Variants in MAST4 observed in about 807,000 individuals in gnomAD.
MAST4 encodes microtubule-associated serine/threonine-protein kinase 4.
MAST4 carries 89 observed loss-of-function variants against 162.7 expected under a neutral mutation model. That is an observed-to-expected ratio of 0.55 (90% CI 0.46 to 0.65). MAST4 has a LOEUF of 0.65. Ranked by LOEUF, MAST4 falls within the 30% of genes least tolerant of loss-of-function variation. The pLI, the probability that MAST4 is intolerant of heterozygous loss-of-function variation, is 0.00. For synonymous variants in MAST4, 1,479 were observed against 1,361.1 expected, an observed-to-expected ratio of 1.09 and a Z score of -1.91; for missense variants, 3,153 against 3,374.0, an observed-to-expected ratio of 0.93 and a Z score of 1.62.
At chr5:66,932,786 C>G (rs1055341031) in intron 4 of MAST4, among the ~76,000 whole-genome samples, 7 of 152,074 alleles carry the variant, frequency 4.6e-5, no homozygotes, top group African/African-American at 1.7e-4. Flanking sequence ...TCTGATTTTT[C>G]TATTAGTCTT....
chr5:66,718,068 T>C (rs965423221), intron 1 of MAST4, among the ~76,000 whole-genome samples: 5 of 151,884 alleles, frequency 3.3e-5, no homozygotes, highest in Non-Finnish European at 4.4e-5. Context: ...TTACATCCTG[T>C]GTGCTTTAAA....
At chr5:66,992,207 C>T (rs1318395675) in intron 4 of MAST4, among the ~76,000 whole-genome samples, 1 of 152,086 alleles carries the variant, frequency 6.6e-6, no homozygotes, top group East Asian at 1.9e-4. Context: ...AATGCATTAC[C>T]ATGCTGCTAT....
Position 67,118,662 on chromosome 5 carries a change from T to C in MAST4, c.1592-20T>C, listed in dbSNP as rs1767216452. 1.0e-6 allele frequency: 1 copy of C among 969,908 alleles called. No homozygotes were observed. Among genetic ancestry groups the C allele is most frequent in the Non-Finnish European group, 1.4e-6 (1 of 697,556 alleles). The allele number at this position is 969,908 out of a possible 1,614,324, so 60.1% of individuals were successfully genotyped here. ...TTGCAATATTTTTATTAAGCTTAACTTTTTTTTTTTCCAACTTAGAAATGG... is the reference window on the plus strand; with the variant it reads ...TTGCAATATTTTTATTAAGCTTAACCTTTTTTTTTTCCAACTTAGAAATGG... On this transcript the variant is annotated intron_variant, in intron 12 of 28. Transcript: ENST00000403625.
intron 3 of MAST4, among the ~76,000 whole-genome samples, chr5:66,825,563 G>A (rs933927595): frequency 1.3e-5 from 2 of 152,024 alleles, no homozygotes; most frequent in African/African-American, 4.8e-5. Context: ...TTTGAAATGT[G>A]TTCAACCAAA....
chr5:67,145,005 C>G (rs1163163589), intron 22 of MAST4, 139 bp from the exon 23 acceptor site: 1 of 898,348 alleles, frequency 1.1e-6, no homozygotes, highest in Admixed American at 2.5e-5. Context: ...CTGTGGGTAC[C>G]ACACATTAAG....
At position 67,153,564 on chromosome 5, in the gene MAST4, T is replaced by C. The variant is rs1772106067; in HGVS notation, c.3632T>C (p.Ile1211Thr). ...PVHGLVHTEV[I>T]ELLLKSGNKV... ...CATGGACTTGTCCACACAGAAGTTA[T>C]AGAACTCCTACTGAAGGTATTGTAT... is the stretch of plus-strand genomic sequence containing the variant. Residue 1211 changes from isoleucine (I) to threonine (T), a missense_variant, in exon 26 of 29, where the codon ATA (isoleucine) becomes ACA (threonine). By Grantham distance (89) the Ile-to-Thr change is moderately conservative. Around this residue, in one of 7 missense-constraint regions of MAST4, gnomAD observed 619 missense variants for 744.2 expected, o/e 0.83. Transcript: ENST00000403625. The C allele has an allele frequency of 1.3e-6, 2 of 1,587,518 alleles. No homozygotes were observed. The highest frequency in any genetic ancestry group is 2.3e-5 in the South Asian group (2 of 86,396).
At chr5:66,641,208 G>A (rs573533136) in intron 1 of MAST4, among the ~76,000 whole-genome samples, 10 of 152,116 alleles carry the variant, frequency 6.6e-5, no homozygotes, top group East Asian at 5.8e-4. Flanking sequence ...GCTGAAGTGC[G>A]GTGGTATGAT....
chr5:66,831,800 A>G (rs1209448961), intron 3 of MAST4, among the ~76,000 whole-genome samples: 2 of 152,190 alleles, frequency 1.3e-5, no homozygotes, highest in Non-Finnish European at 2.9e-5. Context: ...AAAACTTTTC[A>G]GATTGCATCT....
intron 28 of MAST4, among the ~76,000 whole-genome samples, 170 bp from the exon 29 acceptor site, chr5:67,162,977 C>A (rs115381864): frequency 0.022 from 3,319 of 152,260 alleles, 44 homozygotes; most frequent in Non-Finnish European, 0.036. Flanking sequence ...AAGTATGGGG[C>A]TAAACCTTGG....
intron 4 of MAST4, among the ~76,000 whole-genome samples, chr5:67,011,286 C>T (rs1310790218): frequency 2.0e-5 from 3 of 152,130 alleles, no homozygotes; most frequent in Non-Finnish European, 4.4e-5. Context: ...CTTGTTGCTC[C>T]TCTCCTCCTC....
intron 4 of MAST4, among the ~76,000 whole-genome samples, chr5:66,971,281 GTGA>G (rs992089628): frequency 6.6e-6 from 1 of 152,098 alleles, no homozygotes; most frequent in Non-Finnish European, 1.5e-5. Context: ...CAGAGCCTAG[GTGA>G]TGCAAAAAAA....
chr5:67,086,650 A>G (rs1472631160), intron 5 of MAST4, among the ~76,000 whole-genome samples: 1 of 152,268 alleles, frequency 6.6e-6, no homozygotes, highest in Non-Finnish European at 1.5e-5. Context: ...CCCTGGGAGC[A>G]GCAGGATTTT....
intron 1 of MAST4, among the ~76,000 whole-genome samples, chr5:66,681,581 C>A (rs1748330165): frequency 6.6e-6 from 1 of 152,354 alleles, no homozygotes; most frequent in African/African-American, 2.4e-5. Context: ...AGTCCTCAAA[C>A]TGAACTTGGG....
chr5:67,027,369 A>G (rs1355511809), intron 4 of MAST4, among the ~76,000 whole-genome samples: 1 of 152,206 alleles, frequency 6.6e-6, no homozygotes, highest in African/African-American at 2.4e-5. Flanking sequence ...GCCAAGTACC[A>G]TATCTCTGTA....
At chr5:66,631,569 G>A (rs1744798378) in intron 1 of MAST4, among the ~76,000 whole-genome samples, 1 of 152,022 alleles carries the variant, frequency 6.6e-6, no homozygotes, top group Non-Finnish European at 1.5e-5. Flanking sequence ...TGCCTTTTGT[G>A]CGCTAGGTAA....
At chr5:66,787,364 GA>G (rs1009664101) in intron 2 of MAST4, among the ~76,000 whole-genome samples, 20 of 152,166 alleles carry the variant, frequency 1.3e-4, no homozygotes, top group Non-Finnish European at 2.9e-4. Context: ...ATAAAAGAGT[GA>G]AAAAGCAATT....
At chr5:66,747,927 G>C (rs1322147990) in intron 1 of MAST4, among the ~76,000 whole-genome samples, 1 of 152,174 alleles carries the variant, frequency 6.6e-6, no homozygotes, top group African/African-American at 2.4e-5. Flanking sequence ...TATGAGTTCA[G>C]AACTGCTGGT....
At chr5:66,625,409 CTTG>C (rs1744359977) in intron 1 of MAST4, among the ~76,000 whole-genome samples, 1 of 152,142 alleles carries the variant, frequency 6.6e-6, no homozygotes, top group Non-Finnish European at 1.5e-5. Flanking sequence ...GGATATAACC[CTTG>C]TTGAGTAAAA....
chr5:66,618,060 A>G (rs16895328), intron 1 of MAST4, among the ~76,000 whole-genome samples: 24,295 of 150,094 alleles, frequency 0.16, 2,382 homozygotes, highest in Non-Finnish European at 0.22. Context: ...TTCTGTGTCT[A>G]TGCGTGTTAA....
Sources: allele counts gnomAD v4.1 joint callset (sites outside exome capture counted in the v4.1 genomes callset), GRCh38; gene constraint gnomAD v4.1.1; regional missense constraint gnomAD v4.1.1; transcripts MANE v1.5; gene names NCBI Gene and HGNC (gene_info 2026-07-23, HGNC 2026-07-21).